The following FMNL3 variants were observed in gnomAD, a reference collection of about 807,000 sequenced individuals.
FMNL3 encodes the protein formin-like protein 3.
In FMNL3, 57 loss-of-function variants were observed where a neutral mutation model predicts 119.6. The ratio of observed to expected loss-of-function variants is 0.48; its 90% CI spans 0.39 to 0.59. The LOEUF is 0.59. Ranked by LOEUF, FMNL3 falls within the 20% of genes least tolerant of loss-of-function variation. The pLI is 0.00. For synonymous variants in FMNL3, 491 were observed against 507.3 expected (o/e 0.97, Z 0.43); for missense variants, 1,053 against 1,323.5 (o/e 0.80, Z 3.17).
chr12:49,641,841 C>CA lies in FMNL3; in HGVS notation c.*3973dup. The CA allele has an allele frequency of 7.4e-7, 1 of 1,343,740 alleles. No individual in the cohort carries two copies. The highest frequency in any genetic ancestry group is 1.2e-5 in the South Asian group (1 of 85,266). The allele number at this position is 1,343,740 out of a possible 1,614,324, so 83.2% of individuals were successfully genotyped here. The stretch of plus-strand genomic sequence containing the variant: ...CCTTCTTGACCATCTGTAATGTGAC[C>CA]ACTCTGCCTGCCAGCTTTGGCCTCA... On this transcript the variant is annotated 3_prime_UTR_variant, in exon 26 of 26. Transcript: ENST00000335154.
chr12:49,698,060 T>C (rs921721183), intron 1 of FMNL3, among the ~76,000 whole-genome samples: 7 of 152,186 alleles, frequency 4.6e-5, no homozygotes, highest in Non-Finnish European at 7.3e-5. Context: ...TAAAACCAAA[T>C]ATCCATCTCC....
Position 49,644,250 on chromosome 12 carries a change from T to A in FMNL3, c.*1565A>T. ...TGAGGCCATGGCTCCTGGGCCACCC[T>A]CACCGTCTGCCTCAGACTTCTTCCT... On this transcript the variant is annotated 3_prime_UTR_variant, in exon 26 of 26. Coordinates refer to ENST00000335154, the MANE Select transcript of FMNL3 (RefSeq NM_175736.5). 1 of 1,581,618 alleles carries A rather than the reference T, an allele frequency of 6.3e-7. No homozygotes were observed. The highest frequency in any genetic ancestry group is 8.7e-7 in the Non-Finnish European group (1 of 1,152,448).
At chr12:49,651,746 G>C (rs892552336) in intron 14 of FMNL3, among the ~76,000 whole-genome samples, 187 bp downstream of exon 14, 2 of 152,202 alleles carry the variant, frequency 1.3e-5, no homozygotes, top group African/African-American at 4.8e-5. Context: ...CTGCCTTTGG[G>C]CATCCCTGTG....
In FMNL3 at chr12:49,642,029, G is replaced by A; in HGVS notation, c.*3786C>T. On this transcript the variant is annotated 3_prime_UTR_variant, in exon 26 of 26. Transcript: ENST00000335154. This position sits in a 1 kb window ranked among gnomAD's most constrained non-coding sequence, Gnocchi z 5.8. The stretch of plus-strand genomic sequence containing the variant: ...ATCAAGCTGACCTTCAATAGTGTGA[G>A]GGGCTGGGCGGGGCGTGGGAAGTTC... 6.2e-7 allele frequency: 1 copy of A among 1,611,122 alleles called. No homozygotes were observed. The highest frequency in any genetic ancestry group is 8.5e-7 in the Non-Finnish European group (1 of 1,179,696).
rs757048509 is a variant in FMNL3 at position 49,656,887 on chromosome 12, G to C, written c.727C>G (p.Leu243Val). 6.2e-7 allele frequency: 1 copy of C among 1,614,066 alleles called. No individual in the cohort carries two copies. Among genetic ancestry groups the C allele is most frequent in the Non-Finnish European group, 8.5e-7 (1 of 1,179,928 alleles). ...ACAGCATGGGGGTGGGACATGACCA[G>C]GTTGAATCCGTACTGCAAGGGAAAG... The part of the protein sequence containing the change: ...AIMNYQYGFN[L>V]VMSHPHAVNE... The change falls in exon 8 of 26, where the codon CTG becomes GTG. Residue 243 changes from leucine (L) to valine (V), a missense_variant. Physicochemically the swap from Leu to Val is conservative, Grantham distance 32. Transcript: ENST00000335154.
At position 49,649,580 on chromosome 12, in the gene FMNL3, T is replaced by C. The variant is rs1053950113; in HGVS notation, c.2236-42A>G. The C allele has an allele frequency of 8.1e-6, 13 of 1,613,310 alleles. No individual in the cohort carries two copies. Among genetic ancestry groups the C allele is most frequent in the Middle Eastern group, 3.3e-4 (2 of 6,084 alleles). On this transcript the variant is annotated intron_variant, in intron 18 of 25. Coordinates refer to ENST00000335154, the MANE Select transcript of FMNL3 (RefSeq NM_175736.5). The surrounding 1 kb of genome is among the most constrained non-coding windows in gnomAD (Gnocchi z 5.6). ...ACACTGAAGTAACCCCAGGCTGAGA[T>C]GGGGTAAAGACAGGGAGGGGTCAGA...
rs1942662464 is a variant in FMNL3, at chr12:49,641,603, C to G, written c.*4212G>C. ...ACTGCTGAGCAGCAGGAGGGCCCAG[C>G]TGGGGCCAGAGCTTTAAGCCAAAGG... On this transcript the variant is annotated 3_prime_UTR_variant, in exon 26 of 26. Coordinates refer to ENST00000335154, the MANE Select transcript of FMNL3 (RefSeq NM_175736.5). The G allele has an allele frequency of 8.4e-6, 3 of 359,012 alleles. No homozygotes were observed. The highest frequency in any genetic ancestry group is 1.5e-5 in the Non-Finnish European group (3 of 195,026). The allele number at this position is 359,012 out of a possible 1,614,324, so 22.2% of individuals were successfully genotyped here.
At chr12:49,650,964 GCT>G in intron 16 of FMNL3, 86 bp from the exon 17 acceptor site, 1 of 1,519,060 alleles carries the variant, frequency 6.6e-7, no homozygotes, top group South Asian at 1.1e-5. Context: ...TTGGCCCAGA[GCT>G]CTGTCACTCT....
intron 1 of FMNL3, among the ~76,000 whole-genome samples, chr12:49,671,833 T>C (rs1025460984): frequency 1.3e-5 from 2 of 152,066 alleles, no homozygotes; most frequent in African/African-American, 4.8e-5. Flanking sequence ...TAACTCCTCA[T>C]TGAGACCCTT....
intron 1 of FMNL3, among the ~76,000 whole-genome samples, chr12:49,673,779 C>CTT (rs1944109894): frequency 6.6e-6 from 1 of 152,278 alleles, no homozygotes; most frequent in Admixed American, 6.5e-5. Context: ...GGCAGGCCAG[C>CTT]CGGCCCAGCC....
At chr12:49,651,905 G>C (rs1349491268) in intron 14 of FMNL3, 28 bp downstream of exon 14, 1 of 1,547,440 alleles carries the variant, frequency 6.5e-7, no homozygotes. Flanking sequence ...GGCTGCCCCT[G>C]TTGGCTCCCA....
Position 49,656,559 on chromosome 12 carries a change from T to A in FMNL3, c.792-62A>T. The A allele has an allele frequency of 3.5e-6, 5 of 1,437,866 alleles. No individual in the cohort carries two copies. In the South Asian group the frequency reaches 6.0e-5, roughly 17 times the overall value. 89.1% of individuals were successfully genotyped at this position (1,437,866 alleles called of 1,614,324 possible). A position where few individuals can be genotyped will look rare whatever the true frequency, so the allele number is the denominator to read the frequency against. ...CCCATCCTGACAACCACACAGCTCATTTCCCTGACTGGGTAAGTCCTTTTG... is the reference window on the plus strand; with the variant it reads ...CCCATCCTGACAACCACACAGCTCAATTCCCTGACTGGGTAAGTCCTTTTG... On this transcript the variant is annotated intron_variant, in intron 8 of 25. Coordinates refer to ENST00000335154, the MANE Select transcript of FMNL3 (RefSeq NM_175736.5).
chr12:49,664,040 T>C (rs191180750), intron 4 of FMNL3, among the ~76,000 whole-genome samples: 274 of 152,158 alleles, frequency 1.8e-3, no homozygotes, highest in Middle Eastern at 6.8e-3. Flanking sequence ...CTTGAGCCCA[T>C]GAGTTTGAGA....
rs1440460372 is a variant in FMNL3 at position 49,647,074 on chromosome 12, C to G, written c.2872-65G>C. 5.6e-6 allele frequency: 9 copies of G among 1,607,612 alleles called. No homozygotes were observed. The East Asian group carries it at 8.9e-5, about 16-fold the overall frequency. Reference sequence around the variant, plus strand: ...ACCTAATGTGGGACTGGTTCCTGCCCCAAGGTGCAGTCTGAGGATGCCACT... The same window carrying G: ...ACCTAATGTGGGACTGGTTCCTGCCGCAAGGTGCAGTCTGAGGATGCCACT... On this transcript the variant is annotated intron_variant, in intron 24 of 25. Coordinates refer to ENST00000335154, the MANE Select transcript of FMNL3 (RefSeq NM_175736.5). The surrounding 1 kb of genome is among the most constrained non-coding windows in gnomAD (Gnocchi z 4.9).
intron 1 of FMNL3, among the ~76,000 whole-genome samples, chr12:49,701,880 A>C (rs1334475380): frequency 6.6e-6 from 1 of 152,152 alleles, no homozygotes; most frequent in Non-Finnish European, 1.5e-5. Context: ...CAGAGATTGT[A>C]CCACTGCATT....
chr12:49,649,037 G>C lies in FMNL3; in HGVS notation c.2507C>G (p.Ala836Gly). The stretch of plus-strand genomic sequence containing the variant: ...AGCCAGGCTCTCCTCACCTGCTGCA[G>C]CCTTCTCAACAAAGTGCAGCTCATG... ...FWHELHFVEK[A>G]AAVSLENVLL... Residue 836 changes from alanine to glycine, a missense_variant, in exon 21 of 26, where the codon GCT (alanine) becomes GGT (glycine). Transcript: ENST00000335154. This position sits in a 1 kb window ranked among gnomAD's most constrained non-coding sequence, Gnocchi z 5.6. 1 of 1,595,816 alleles carries C rather than the reference G, an allele frequency of 6.3e-7. No individual in the cohort carries two copies. Among genetic ancestry groups the C allele is most frequent in the Non-Finnish European group, 8.5e-7 (1 of 1,170,954 alleles).
chr12:49,687,327 C>T (rs572211126), intron 1 of FMNL3, among the ~76,000 whole-genome samples: 63 of 127,502 alleles, frequency 4.9e-4, no homozygotes, highest in Non-Finnish European at 8.9e-4. Context: ...CTCTTGACCT[C>T]GTGATCTGCC....
At chr12:49,695,688 G>A (rs1438658282) in intron 1 of FMNL3, among the ~76,000 whole-genome samples, 1 of 152,156 alleles carries the variant, frequency 6.6e-6, no homozygotes, top group Non-Finnish European at 1.5e-5. Flanking sequence ...AGGATGAGAT[G>A]AGGGACTCTA....
chr12:49,662,895 C>T (rs1943776220), intron 4 of FMNL3, among the ~76,000 whole-genome samples: 1 of 152,206 alleles, frequency 6.6e-6, no homozygotes, highest in Non-Finnish European at 1.5e-5. Flanking sequence ...ACATAAAACG[C>T]TCAGGATGAA....
Sources: allele counts gnomAD v4.1 joint callset (sites outside exome capture counted in the v4.1 genomes callset), GRCh38; gene constraint gnomAD v4.1.1; non-coding constraint Gnocchi (gnomAD v3.1); transcripts MANE v1.5; gene names NCBI Gene and HGNC (gene_info 2026-07-23, HGNC 2026-07-21).